FHIT: variants seen among roughly 807,000 people sequenced by gnomAD.
FHIT encodes bis(5'-adenosyl)-triphosphatase.
FHIT carries 19 observed loss-of-function variants against 17.9 expected under a neutral mutation model. That is an observed-to-expected ratio of 1.06 (90% confidence interval 0.74 to 1.56). The LOEUF is 1.56. Among genes scored for constraint, FHIT ranks in the 40% most tolerant of loss-of-function variants. FHIT has a pLI of 0.00. For synonymous variants in FHIT, 81 were observed against 69.7 expected (o/e 1.16, Z -0.81); for missense variants, 248 against 189.2 (o/e 1.31, Z -1.82).
rs917838850 is a variant in FHIT, at chr3:60,562,043, C to T, written c.-17-25064G>A. ...CCACTAGTTATTACCCGAAAACATG[C>T]TTTCCCTATGTTTGAGTTCTCATTC... is the stretch of plus-strand genomic sequence containing the variant. On this transcript the variant is annotated intron_variant, in intron 4 of 9. Transcript: ENST00000492590. Among the ~76,000 whole-genome samples, 56 of 152,128 alleles carry T rather than the reference C, an allele frequency of 3.7e-4. 1 individual carries two copies. Among genetic ancestry groups the T allele is most frequent in the African/African-American group, 1.3e-3 (54 of 41,426 alleles).
intron 5 of FHIT, among the ~76,000 whole-genome samples, chr3:60,130,908 C>T (rs1338267913): frequency 3.4e-5 from 5 of 148,686 alleles, no homozygotes; most frequent in Admixed American, 1.3e-4. Flanking sequence ...CATATATACA[C>T]ATATATGTAT....
intron 7 of FHIT, among the ~76,000 whole-genome samples, chr3:59,969,931 T>C (rs942432176): frequency 6.6e-6 from 1 of 152,102 alleles, no homozygotes; most frequent in Admixed American, 6.6e-5. Context: ...CCCTTTGAAA[T>C]AAAACCATTT....
chr3:61,062,661 C>T (rs1173230099), intron 2 of FHIT, among the ~76,000 whole-genome samples: 1 of 152,150 alleles, frequency 6.6e-6, no homozygotes, highest in East Asian at 1.9e-4. Flanking sequence ...AGTATAAATG[C>T]AGAATATGCC....
intron 5 of FHIT, among the ~76,000 whole-genome samples, chr3:60,456,372 C>T (rs1463442917): frequency 6.6e-6 from 1 of 152,166 alleles, no homozygotes; most frequent in African/African-American, 2.4e-5. Flanking sequence ...TTCCCCAAAC[C>T]AGAATTGAAT....
chr3:59,883,743 C>G (rs1200213173), intron 8 of FHIT, among the ~76,000 whole-genome samples: 2 of 152,134 alleles, frequency 1.3e-5, no homozygotes, highest in African/African-American at 4.8e-5. Context: ...TTCAATTCAG[C>G]CATATGAACT....
At chr3:60,432,917 C>CTTT (rs5849363) in intron 5 of FHIT, among the ~76,000 whole-genome samples, 42 of 148,862 alleles carry the variant, frequency 2.8e-4, no homozygotes, top group Middle Eastern at 3.4e-3. Flanking sequence ...GAAGAATTGT[C>CTTT]TTTTTTTTTT....
rs546357025 is a variant in FHIT, at chr3:59,927,276, G to A, written c.280-4862C>T. 9.5e-4 allele frequency among the ~76,000 whole-genome samples: 145 copies of A among 152,228 alleles called. 1 individual carries two copies. In the South Asian group the frequency reaches 0.016, roughly 17 times the overall value. ...GATTCATAGAGAAAGAAAGATTTGC[G>A]GTTGTGAAGAGGGATGCAGGGTAAC... is the stretch of plus-strand genomic sequence containing the variant. On this transcript the variant is annotated intron_variant, in intron 7 of 9. Coordinates refer to ENST00000492590, the MANE Select transcript of FHIT (RefSeq NM_002012.4).
intron 4 of FHIT, among the ~76,000 whole-genome samples, chr3:60,611,103 C>A (rs782130375): frequency 4.6e-5 from 7 of 152,144 alleles, no homozygotes; most frequent in Admixed American, 2.6e-4. Context: ...GCTCATTTAG[C>A]CCAGTAATTG....
chr3:60,882,649 A>C (rs1705031235), intron 3 of FHIT, among the ~76,000 whole-genome samples: 1 of 151,996 alleles, frequency 6.6e-6, no homozygotes, highest in African/African-American at 2.4e-5. Flanking sequence ...CAGAAAAAGA[A>C]AAGAAAATTC....
At chr3:59,776,764 C>A (rs75341016) in intron 8 of FHIT, among the ~76,000 whole-genome samples, 3,662 of 152,272 alleles carry the variant, frequency 0.024, 122 homozygotes, top group East Asian at 0.16. Flanking sequence ...GATCCAAGCA[C>A]ATTGCATATA....
At chr3:61,065,659 A>C (rs1442997120) in intron 2 of FHIT, among the ~76,000 whole-genome samples, 3 of 152,122 alleles carry the variant, frequency 2.0e-5, no homozygotes, top group Non-Finnish European at 4.4e-5. Flanking sequence ...TCAACTTGAC[A>C]ATAAATCAAA....
chr3:59,980,846 T>G (rs2107430715), intron 7 of FHIT, among the ~76,000 whole-genome samples: 1 of 152,326 alleles, frequency 6.6e-6, no homozygotes, highest in East Asian at 1.9e-4. Flanking sequence ...CCACCCAGTT[T>G]GTGGTATTAC....
intron 8 of FHIT, among the ~76,000 whole-genome samples, chr3:59,852,526 T>G (rs566466236): frequency 1.6e-4 from 25 of 152,278 alleles, no homozygotes; most frequent in African/African-American, 5.3e-4. Flanking sequence ...TACAAGGACA[T>G]ATCACCCAAA....
intron 2 of FHIT, among the ~76,000 whole-genome samples, chr3:61,078,166 C>G (rs1378789377): frequency 6.6e-6 from 1 of 152,220 alleles, no homozygotes; most frequent in East Asian, 1.9e-4. Flanking sequence ...ATTTTCATGA[C>G]AGACAGATTT....
chr3:60,277,732 C>T (rs1707225090), intron 5 of FHIT, among the ~76,000 whole-genome samples: 1 of 151,822 alleles, frequency 6.6e-6, no homozygotes, highest in Admixed American at 6.6e-5. Flanking sequence ...ACCCTTTTCT[C>T]TCTCAAGAGA....
At chr3:60,045,850 C>A (rs992350738) in intron 5 of FHIT, among the ~76,000 whole-genome samples, 1 of 152,150 alleles carries the variant, frequency 6.6e-6, no homozygotes, top group Non-Finnish European at 1.5e-5. Context: ...TGGAGGAGAG[C>A]ACGCTTGGAA....
intron 3 of FHIT, among the ~76,000 whole-genome samples, chr3:60,983,413 T>C (rs1426960140): frequency 2.0e-5 from 3 of 152,146 alleles, no homozygotes; most frequent in African/African-American, 7.2e-5. Context: ...AGGCAGGCTG[T>C]GTGAATGACA....
intron 1 of FHIT, among the ~76,000 whole-genome samples, chr3:61,219,253 C>G (rs544042687): frequency 6.6e-6 from 1 of 152,204 alleles, no homozygotes; most frequent in South Asian, 2.1e-4. Context: ...ATGTGGCACA[C>G]AACCATACTT....
chr3:60,479,351 G>T (rs1260770027), intron 5 of FHIT, among the ~76,000 whole-genome samples: 1 of 151,384 alleles, frequency 6.6e-6, no homozygotes, highest in Non-Finnish European at 1.5e-5. Context: ...TGGTTGGGGA[G>T]GGAGAGGAAG....
Sources: gnomAD v4.1 joint callset for allele counts (sites outside exome capture counted in the v4.1 genomes callset) on GRCh38, gnomAD v4.1.1 for gene constraint, MANE v1.5 for transcripts, NCBI Gene and HGNC (gene_info 2026-07-23, HGNC 2026-07-21) for gene names.